EPSTI1: variants seen among roughly 807,000 people sequenced by gnomAD.
The protein encoded by EPSTI1 is epithelial-stromal interaction protein 1.
Under a neutral mutation model 49.9 loss-of-function variants are expected in EPSTI1, and 66 were observed. The observed-to-expected ratio is 1.32, with a 90% CI of 1.08 to 1.62. The LOEUF (loss-of-function observed/expected upper bound fraction) is 1.62, where lower values mean the gene tolerates loss of function less well. Ranked by LOEUF, EPSTI1 falls within the 40% of genes most tolerant of loss-of-function variation. The pLI is 0.00. For missense variants in EPSTI1, 394 were observed against 365.5 expected, an observed-to-expected ratio of 1.08 and a Z score of -0.64; for synonymous variants, 137 against 130.7, an observed-to-expected ratio of 1.05 and a Z score of -0.33.
chr13:42,945,217 G>T (rs964041950), intron 6 of EPSTI1, among the ~76,000 whole-genome samples: 1 of 152,144 alleles, frequency 6.6e-6, no homozygotes, highest in African/African-American at 2.4e-5. Context: ...CATCTTACAC[G>T]GCGGCAGGCA....
chr13:42,978,426 T>C (rs1471582585), intron 1 of EPSTI1, among the ~76,000 whole-genome samples: 1 of 152,192 alleles, frequency 6.6e-6, no homozygotes, highest in Non-Finnish European at 1.5e-5. Flanking sequence ...TTCTTTTGAG[T>C]TTCTGATTCG....
rs34249018 is a variant in EPSTI1, at chr13:42,922,799, T to C, written c.657+3537A>G. Reference sequence around the variant, plus strand: ...AACCTGCACTGAGTGCTCACAGTAGTGTGAGAGAGGAGAGCTGGAGAGGCA... The same window carrying C: ...AACCTGCACTGAGTGCTCACAGTAGCGTGAGAGAGGAGAGCTGGAGAGGCA... On this transcript the variant is annotated intron_variant, in intron 7 of 10. Transcript: ENST00000313624. The surrounding 1 kb of genome is among the most constrained non-coding windows in gnomAD (Gnocchi z 4.8). Among the ~76,000 whole-genome samples, 35,410 of 152,076 alleles carry C rather than the reference T, an allele frequency of 0.23. 4,251 individuals are homozygous for C. Among genetic ancestry groups the C allele is most frequent in the Non-Finnish European group, 0.26 (17,786 of 67,952 alleles).
rs540924671 is a variant in EPSTI1, at chr13:42,942,212, T to C, written c.563+11736A>G. The stretch of plus-strand genomic sequence containing the variant: ...TTGTTTTCAACTCGATTTATAGATA[T>C]TCTTTGTAATCAAATATAGCTAGAT... On this transcript the variant is annotated intron_variant, in intron 6 of 10. Coordinates refer to ENST00000313624, the MANE Select transcript of EPSTI1 (RefSeq NM_033255.5). 8.5e-5 allele frequency among the ~76,000 whole-genome samples: 13 copies of C among 152,330 alleles called. No individual in the cohort carries two copies. The South Asian group carries it at 2.7e-3, about 32-fold the overall frequency.
intron 6 of EPSTI1, among the ~76,000 whole-genome samples, chr13:42,945,441 A>T (rs2038890929): frequency 6.6e-6 from 1 of 152,210 alleles, no homozygotes; most frequent in Admixed American, 6.5e-5. Flanking sequence ...CCTGACACAG[A>T]CCCAAATGCT....
chr13:42,983,521 G>A (rs1470853242), intron 1 of EPSTI1, among the ~76,000 whole-genome samples: 2 of 127,982 alleles, frequency 1.6e-5, no homozygotes, highest in East Asian at 2.6e-4. Flanking sequence ...CTGAGACCAC[G>A]CCATTGTACT....
chr13:42,917,713 C>T, intron 7 of EPSTI1, 89 bp from the exon 8 acceptor site: 1 of 920,226 alleles, frequency 1.1e-6, no homozygotes, highest in Non-Finnish European at 1.7e-6. Flanking sequence ...TACTATAGGC[C>T]CGGTGCTAAT....
At chr13:42,899,904 C>T (rs2037305306) in intron 9 of EPSTI1, among the ~76,000 whole-genome samples, 1 of 152,080 alleles carries the variant, frequency 6.6e-6, no homozygotes, top group Admixed American at 6.6e-5. Flanking sequence ...TTTGTCTGAG[C>T]TTTTGCACTC....
rs906411488 is a variant in EPSTI1, at chr13:42,942,924, A to G, written c.563+11024T>C. Among the ~76,000 whole-genome samples, 4 of 151,604 alleles carry G rather than the reference A, an allele frequency of 2.6e-5. No homozygotes were observed. The East Asian group carries it at 5.8e-4, about 22-fold the overall frequency. ...AGGATGGTCTCGATCTCCTGACCTC[A>G]TGATCCACCCACCTCGGCCTCCCAA... On this transcript the variant is annotated intron_variant, in intron 6 of 10. Transcript: ENST00000313624.
At chr13:42,962,383 T>C (rs1236121902) in intron 5 of EPSTI1, among the ~76,000 whole-genome samples, 1 of 152,048 alleles carries the variant, frequency 6.6e-6, no homozygotes, top group African/African-American at 2.4e-5. Context: ...AGATCAACTC[T>C]CTCTCCCCAT....
At chr13:42,955,353 G>C (rs2039226201) in intron 5 of EPSTI1, among the ~76,000 whole-genome samples, 1 of 152,160 alleles carries the variant, frequency 6.6e-6, no homozygotes, top group African/African-American at 2.4e-5. Flanking sequence ...TATTCAGAAT[G>C]CTACTCAGAG....
intron 8 of EPSTI1, among the ~76,000 whole-genome samples, chr13:42,916,296 A>G: frequency 6.6e-6 from 1 of 150,976 alleles, no homozygotes; most frequent in South Asian, 2.1e-4. Context: ...ACACTAAGGG[A>G]TAAAAATGTT....
chr13:42,920,200 T>A (rs567646207), intron 7 of EPSTI1, among the ~76,000 whole-genome samples: 175 of 152,336 alleles, frequency 1.1e-3, no homozygotes, highest in African/African-American at 4.0e-3. Flanking sequence ...GGCTTCCACA[T>A]AAATTTTGAG....
Position 42,955,878 on chromosome 13 carries a change from G to GC in EPSTI1, c.490-1858_490-1857insG, listed in dbSNP as rs1555266326. Among the ~76,000 whole-genome samples, 5 of 32,578 alleles carry GC rather than the reference G, an allele frequency of 1.5e-4. No homozygotes were observed. In the South Asian group the frequency reaches 3.6e-3, roughly 23 times the overall value. The allele number at this position is 32,578 out of a possible 152,430, so 21.4% of individuals were successfully genotyped here. Reference sequence around the variant, plus strand: ...GTTGATAGTTGATGAAGAAGTATTTGGGGGGGGGGGGAAGTAGTAGTAGTA... The same window carrying GC: ...GTTGATAGTTGATGAAGAAGTATTTGCGGGGGGGGGGGAAGTAGTAGTAGTA... On this transcript the variant is annotated intron_variant, in intron 5 of 10. Transcript: ENST00000313624.
chr13:42,976,509 G>A (rs1271581705), intron 1 of EPSTI1, among the ~76,000 whole-genome samples: 1 of 152,170 alleles, frequency 6.6e-6, no homozygotes, highest in African/African-American at 2.4e-5. Flanking sequence ...ATGGCTTAAT[G>A]ATAAATAAAT....
At chr13:42,918,479 A>G (rs1213552514) in intron 7 of EPSTI1, among the ~76,000 whole-genome samples, 1 of 152,238 alleles carries the variant, frequency 6.6e-6, no homozygotes, top group Admixed American at 6.5e-5. Flanking sequence ...CCTAGTTCTC[A>G]GGACTAATAA....
At chr13:42,934,298 T>C (rs2038481041) in intron 6 of EPSTI1, 1 of 154,146 alleles carries the variant, frequency 6.5e-6, no homozygotes, top group African/African-American at 2.4e-5. Context: ...GGTGAGGTGC[T>C]CTACTTATGA....
At chr13:42,939,462 A>T (rs999515436) in intron 6 of EPSTI1, among the ~76,000 whole-genome samples, 8 of 152,184 alleles carry the variant, frequency 5.3e-5, no homozygotes, top group Admixed American at 5.2e-4. Flanking sequence ...TTGAATGCTT[A>T]TGGGCCATTG....
At chr13:42,967,689 G>A (rs1024921075) in intron 3 of EPSTI1, among the ~76,000 whole-genome samples, 1 of 152,188 alleles carries the variant, frequency 6.6e-6, no homozygotes, top group Non-Finnish European at 1.5e-5. Context: ...ATCCAGGTGG[G>A]AGATGGGTAG....
Position 42,923,768 on chromosome 13 carries a change from G to A in EPSTI1, c.657+2568C>T, listed in dbSNP as rs528899016. 7.9e-5 allele frequency among the ~76,000 whole-genome samples: 12 copies of A among 152,178 alleles called. No homozygotes were observed. The South Asian group carries it at 2.5e-3, about 32-fold the overall frequency. On this transcript the variant is annotated intron_variant, in intron 7 of 10. Coordinates refer to ENST00000313624, the MANE Select transcript of EPSTI1 (RefSeq NM_033255.5). ...TCTTGTCTGAAGTCCTAAGCCAAAA[G>A]GAATTTTCTTGTAACCACTAAAGGA...
Sources: gnomAD v4.1 joint callset for allele counts (sites outside exome capture counted in the v4.1 genomes callset) on GRCh38, gnomAD v4.1.1 for gene constraint, Gnocchi (gnomAD v3.1) non-coding constraint, MANE v1.5 for transcripts, NCBI Gene and HGNC (gene_info 2026-07-23, HGNC 2026-07-21) for gene names.